Variants in SGCZ observed in about 807,000 individuals in gnomAD.
SGCZ encodes zeta-sarcoglycan.
Under a neutral mutation model 41.3 loss-of-function variants are expected in SGCZ, and 40 were observed. The ratio of observed to expected loss-of-function variants is 0.97; its 90% CI spans 0.75 to 1.26. The LOEUF is 1.26. SGCZ is among the 50% of genes most tolerant of loss of function. The probability of loss-of-function intolerance (pLI) is 0.00; values close to 1 mark genes in which losing one functional copy is unlikely to be tolerated. For synonymous variants in SGCZ, 206 were observed against 137.5 expected (o/e 1.50, Z -3.49); for missense variants, 552 against 369.8 (o/e 1.49, Z -4.04).
chr8:14,098,754 G>A (rs944346547), intron 7 of SGCZ, among the ~76,000 whole-genome samples: 1 of 152,260 alleles, frequency 6.6e-6, no homozygotes, highest in South Asian at 2.1e-4. Context: ...GTGGAGAAGA[G>A]GGCTCATGTG....
At chr8:14,838,209 A>G (rs2130619201) in intron 1 of SGCZ, among the ~76,000 whole-genome samples, 1 of 152,254 alleles carries the variant, frequency 6.6e-6, no homozygotes, top group East Asian at 1.9e-4. Context: ...TAATGGGTAC[A>G]AAGATAGGTA....
At chr8:15,165,726 T>C (rs1799647516) in intron 1 of SGCZ, among the ~76,000 whole-genome samples, 1 of 152,250 alleles carries the variant, frequency 6.6e-6, no homozygotes, top group South Asian at 2.1e-4. Flanking sequence ...TATGGAAATG[T>C]AACCTTTTGC....
At chr8:14,984,941 C>A (rs1412653482) in intron 1 of SGCZ, among the ~76,000 whole-genome samples, 1 of 24,600 alleles carries the variant, frequency 4.1e-5, no homozygotes, top group Non-Finnish European at 3.4e-4. Context: ...GTGGATTTTT[C>A]TGGGCCACAG....
At chr8:14,715,456 G>T (rs1470398203) in intron 1 of SGCZ, among the ~76,000 whole-genome samples, 2 of 151,866 alleles carry the variant, frequency 1.3e-5, no homozygotes, top group African/African-American at 4.8e-5. Flanking sequence ...ATGGCATAAA[G>T]GTTGCATGTA....
At chr8:14,120,155 A>G (rs1253984229) in intron 5 of SGCZ, among the ~76,000 whole-genome samples, 3 of 152,188 alleles carry the variant, frequency 2.0e-5, no homozygotes, top group African/African-American at 7.2e-5. Context: ...AACCAGCAAT[A>G]AAGAATTATC....
chr8:14,908,347 T>C (rs1309574887), intron 1 of SGCZ, among the ~76,000 whole-genome samples: 1 of 152,142 alleles, frequency 6.6e-6, no homozygotes, highest in East Asian at 1.9e-4. Flanking sequence ...CTAGTGGCCA[T>C]TGTATAGCAG....
chr8:14,624,082 C>G (rs1302135227), intron 1 of SGCZ, among the ~76,000 whole-genome samples: 1 of 152,164 alleles, frequency 6.6e-6, no homozygotes, highest in Non-Finnish European at 1.5e-5. Context: ...TAAACATTTA[C>G]TATGTGCCGC....
intron 2 of SGCZ, among the ~76,000 whole-genome samples, chr8:14,391,010 C>T (rs898010772): frequency 2.0e-5 from 3 of 151,976 alleles, no homozygotes; most frequent in African/African-American, 7.2e-5. Flanking sequence ...AACTTCTGAC[C>T]TACTTCCAGA....
At position 14,090,392 on chromosome 8, in the gene SGCZ, C is replaced by G. The variant is rs754505381; in HGVS notation, c.*51G>C. ...AGGGAAACCGAGCAGAACTGTGAAGCAGACGGACAGGAACAAAAGGCTATT... is the reference window on the plus strand; with the variant it reads ...AGGGAAACCGAGCAGAACTGTGAAGGAGACGGACAGGAACAAAAGGCTATT... On this transcript the variant is annotated 3_prime_UTR_variant, in exon 8 of 8. Transcript: ENST00000382080. 3 of 1,566,550 alleles carry G rather than the reference C, an allele frequency of 1.9e-6. No homozygotes were observed. Among genetic ancestry groups the G allele is most frequent in the Non-Finnish European group, 2.6e-6 (3 of 1,154,246 alleles).
At chr8:15,086,561 T>C (rs573953330) in intron 1 of SGCZ, among the ~76,000 whole-genome samples, 7 of 152,330 alleles carry the variant, frequency 4.6e-5, no homozygotes, top group Non-Finnish European at 7.3e-5. Context: ...GATCAGCTAA[T>C]TGACCTGACT....
At chr8:15,133,641 T>C (rs1236061426) in intron 1 of SGCZ, among the ~76,000 whole-genome samples, 1 of 152,208 alleles carries the variant, frequency 6.6e-6, no homozygotes, top group Non-Finnish European at 1.5e-5. Context: ...AGTAAACTGA[T>C]GTCTTTTACT....
At chr8:14,615,178 T>C (rs1333655791) in intron 1 of SGCZ, among the ~76,000 whole-genome samples, 1 of 152,242 alleles carries the variant, frequency 6.6e-6, no homozygotes, top group African/African-American at 2.4e-5. Context: ...TTACATTAAA[T>C]AAGCAGGAGG....
chr8:14,108,659 G>A (rs758793396), intron 5 of SGCZ, among the ~76,000 whole-genome samples: 23 of 152,092 alleles, frequency 1.5e-4, no homozygotes, highest in Non-Finnish European at 2.8e-4. Context: ...GGCATTATAG[G>A]AGTACAATTC....
chr8:14,378,237 T>C (rs1469816201), intron 2 of SGCZ, among the ~76,000 whole-genome samples: 1 of 151,454 alleles, frequency 6.6e-6, no homozygotes, highest in Non-Finnish European at 1.5e-5. Context: ...TGGTGTGAGA[T>C]GGTATCTCAT....
At chr8:15,227,096 A>G (rs115610598) in intron 1 of SGCZ, among the ~76,000 whole-genome samples, 179 of 152,310 alleles carry the variant, frequency 1.2e-3, no homozygotes, top group African/African-American at 3.6e-3. Flanking sequence ...AGAGGTGTGC[A>G]TGTAGCCCAA....
intron 2 of SGCZ, among the ~76,000 whole-genome samples, chr8:14,534,620 C>T (rs1296548001): frequency 6.6e-6 from 1 of 151,870 alleles, no homozygotes; most frequent in Non-Finnish European, 1.5e-5. Flanking sequence ...TAGCTAATTA[C>T]CGCACAGGAG....
Position 15,094,637 on chromosome 8 carries a change from T to C in SGCZ, c.39+142948A>G, listed in dbSNP as rs948699280. On this transcript the variant is annotated intron_variant, in intron 1 of 7. Coordinates refer to ENST00000382080, the MANE Select transcript of SGCZ (RefSeq NM_139167.4). Reference sequence around the variant, plus strand: ...TGGAGCCCAGTAAGCTAGGATGCTATGAGAAGAGTGATATGGTTCAGTTCT... The same window carrying C: ...TGGAGCCCAGTAAGCTAGGATGCTACGAGAAGAGTGATATGGTTCAGTTCT... Among the ~76,000 whole-genome samples the C allele has an allele frequency of 2.6e-5, 4 of 152,172 alleles. No individual in the cohort carries two copies. The East Asian group carries it at 7.7e-4, about 29-fold the overall frequency.
intron 4 of SGCZ, among the ~76,000 whole-genome samples, chr8:14,227,728 CAGA>C (rs1563197953): frequency 1.3e-5 from 2 of 151,986 alleles, no homozygotes; most frequent in African/African-American, 4.8e-5. Flanking sequence ...TACTTGGAAA[CAGA>C]AGAATAGCTG....
intron 2 of SGCZ, among the ~76,000 whole-genome samples, chr8:14,324,472 T>C (rs1434630123): frequency 6.6e-6 from 1 of 152,156 alleles, no homozygotes; most frequent in Non-Finnish European, 1.5e-5. Context: ...GAATAAATCC[T>C]TTACTTTCTT....
Sources: allele counts gnomAD v4.1 joint callset (sites outside exome capture counted in the v4.1 genomes callset), GRCh38; gene constraint gnomAD v4.1.1; transcripts MANE v1.5; gene names NCBI Gene and HGNC (gene_info 2026-07-23, HGNC 2026-07-21).